RGS7: variants seen among roughly 807,000 people sequenced by gnomAD.
The protein encoded by RGS7 is regulator of G-protein signaling 7.
In RGS7, 27 loss-of-function variants were observed where a neutral mutation model predicts 81.1. The ratio of observed to expected loss-of-function variants is 0.33; its 90% confidence interval spans 0.25 to 0.46. The LOEUF is 0.46. Ranked by LOEUF, RGS7 falls within the 20% of genes least tolerant of loss-of-function variation. RGS7 has a pLI of 1.00. For missense variants in RGS7, 396 were observed against 607.4 expected, an observed-to-expected ratio of 0.65 and a Z score of 3.66; for synonymous variants, 208 against 207.7, an observed-to-expected ratio of 1.00 and a Z score of -0.01.
intron 3 of RGS7, among the ~76,000 whole-genome samples, chr1:241,029,464 T>C (rs746874987): frequency 6.6e-6 from 1 of 152,196 alleles, no homozygotes; most frequent in African/African-American, 2.4e-5. Flanking sequence ...ATTTTGGAAA[T>C]GAGTTTCCAC....
In RGS7 at chr1:241,143,162, C is replaced by T. The variant is rs192598038; in HGVS notation, c.79-44400G>A. Among the ~76,000 whole-genome samples, 8 of 152,298 alleles carry T rather than the reference C, an allele frequency of 5.3e-5. No homozygotes were observed. In the East Asian group the frequency reaches 9.7e-4, roughly 18 times the overall value. ...TTTGTCAGAGCCATTCAACAAGTCT[C>T]TAGGGAGTTCCAAATTTTCTCACAT... On this transcript the variant is annotated intron_variant, in intron 2 of 18. Coordinates refer to ENST00000440928, the MANE Select transcript of RGS7 (RefSeq NM_001364886.1).
intron 9 of RGS7, among the ~76,000 whole-genome samples, chr1:240,862,988 T>G (rs1202124730): frequency 6.6e-6 from 1 of 151,766 alleles, no homozygotes; most frequent in Non-Finnish European, 1.5e-5. Flanking sequence ...AGGGTTTCAC[T>G]CTGCTACCTA....
rs146851208 is a variant in RGS7, at chr1:241,189,634, T to C, written c.79-90872A>G. Among the ~76,000 whole-genome samples, 22 of 152,360 alleles carry C rather than the reference T, an allele frequency of 1.4e-4. No individual in the cohort carries two copies. In the East Asian group the frequency reaches 4.0e-3, roughly 28 times the overall value. ...AATATTTTTTGCTTTTTCTTTACAC[T>C]TTTTATAAAGTTTTACATTTTACAT... is the stretch of plus-strand genomic sequence containing the variant. On this transcript the variant is annotated intron_variant, in intron 2 of 18. Coordinates refer to ENST00000440928, the MANE Select transcript of RGS7 (RefSeq NM_001364886.1).
At chr1:240,920,263 A>T in intron 6 of RGS7, 1 of 1,282,762 alleles carries the variant, frequency 7.8e-7, no homozygotes, top group Non-Finnish European at 1.1e-6. Flanking sequence ...TTTGGTGGTG[A>T]TCGTGGTGGT....
At chr1:241,057,358 G>A (rs74897562) in intron 3 of RGS7, among the ~76,000 whole-genome samples, 5,128 of 152,228 alleles carry the variant, frequency 0.034, 88 homozygotes, top group Middle Eastern at 0.061. Flanking sequence ...AAGAGGGCCA[G>A]TTTAGGCTTT....
At chr1:241,162,631 C>A (rs1249779734) in intron 2 of RGS7, among the ~76,000 whole-genome samples, 1 of 152,150 alleles carries the variant, frequency 6.6e-6, no homozygotes. Flanking sequence ...CTAAAACTTG[C>A]CTGTATCTCT....
At chr1:240,881,570 ACTT>A (rs1666401243) in intron 6 of RGS7, among the ~76,000 whole-genome samples, 1 of 152,200 alleles carries the variant, frequency 6.6e-6, no homozygotes, top group African/African-American at 2.4e-5. Flanking sequence ...TTAGTAGAGT[ACTT>A]TAAAATCTAG....
At chr1:240,999,792 G>A (rs370625080) in intron 3 of RGS7, among the ~76,000 whole-genome samples, 1 of 151,596 alleles carries the variant, frequency 6.6e-6, no homozygotes, top group Non-Finnish European at 1.5e-5. Flanking sequence ...CAGTAGAGAC[G>A]GGGTTTCGCC....
At position 240,922,301 on chromosome 1, in the gene RGS7, T is replaced by G. The variant is rs376594327; in HGVS notation, c.385+8416A>C. 3.9e-5 allele frequency among the ~76,000 whole-genome samples: 6 copies of G among 152,108 alleles called. No homozygotes were observed. In the South Asian group the frequency reaches 1.2e-3, roughly 32 times the overall value. ...AATATAACATAGGAGAAAATCTAGG[T>G]GACCTTGAGTTTGGCAATGACTTTT... On this transcript the variant is annotated intron_variant, in intron 6 of 18. Coordinates refer to ENST00000440928, the MANE Select transcript of RGS7 (RefSeq NM_001364886.1).
chr1:240,962,499 TAGG>T (rs1681626973), intron 4 of RGS7, among the ~76,000 whole-genome samples: 1 of 152,170 alleles, frequency 6.6e-6, no homozygotes, highest in African/African-American at 2.4e-5. Context: ...TTATTCAATG[TAGG>T]AGAACAAAAC....
At chr1:240,812,960 A>G (rs1690130988) in intron 13 of RGS7, among the ~76,000 whole-genome samples, 1 of 152,184 alleles carries the variant, frequency 6.6e-6, no homozygotes, top group African/African-American at 2.4e-5. Flanking sequence ...TTTAAGATTC[A>G]TGGCTGGATG....
chr1:241,227,248 G>A (rs2148034373), intron 2 of RGS7, among the ~76,000 whole-genome samples: 1 of 152,302 alleles, frequency 6.6e-6, no homozygotes, highest in East Asian at 1.9e-4. Context: ...TGCCTACAGT[G>A]AGAGGTTCAT....
Position 240,917,849 on chromosome 1 carries a change from A to G in RGS7, c.385+12868T>C, listed in dbSNP as rs79749778. Among the ~76,000 whole-genome samples, 105 of 152,322 alleles carry G rather than the reference A, an allele frequency of 6.9e-4. 2 individuals are homozygous for G. In the East Asian group the frequency reaches 0.018, roughly 26 times the overall value. On this transcript the variant is annotated intron_variant, in intron 6 of 18. Transcript: ENST00000440928. The stretch of plus-strand genomic sequence containing the variant: ...GAGTGGATATAAAACAGAACCAACT[A>G]TATTCTGTTTAGAAGAAACTTGCTT...
chr1:241,037,295 A>T (rs954958814), intron 3 of RGS7, among the ~76,000 whole-genome samples: 1 of 152,210 alleles, frequency 6.6e-6, no homozygotes, highest in Non-Finnish European at 1.5e-5. Context: ...GTATTGACCA[A>T]CTAAATCTTC....
chr1:240,899,096 G>A (rs965216257), intron 6 of RGS7, among the ~76,000 whole-genome samples: 1 of 151,348 alleles, frequency 6.6e-6, no homozygotes, highest in Non-Finnish European at 1.5e-5. Flanking sequence ...CCAGAGACTA[G>A]GATTGCAATC....
At chr1:240,958,734 A>G (rs1464839266) in intron 4 of RGS7, among the ~76,000 whole-genome samples, 9 of 152,346 alleles carry the variant, frequency 5.9e-5, no homozygotes, top group Admixed American at 1.3e-4. Context: ...ACATTTATGT[A>G]TATGTCAAAA....
intron 2 of RGS7, among the ~76,000 whole-genome samples, chr1:241,108,726 G>A (rs565805022): frequency 7.7e-4 from 117 of 152,222 alleles, no homozygotes; most frequent in Non-Finnish European, 1.2e-3. Context: ...AGGATAGAGA[G>A]CTATAAAGGA....
intron 18 of RGS7, among the ~76,000 whole-genome samples, chr1:240,788,319 C>T: frequency 6.6e-6 from 1 of 152,134 alleles, no homozygotes; most frequent in Non-Finnish European, 1.5e-5. Flanking sequence ...AAAATGGACT[C>T]TTATACTATA....
chr1:241,290,530 C>T (rs1032635713), intron 2 of RGS7, among the ~76,000 whole-genome samples: 5 of 152,150 alleles, frequency 3.3e-5, no homozygotes, highest in Non-Finnish European at 4.4e-5. Context: ...GAAATTGTGT[C>T]CTGTTCTCAT....
Sources: allele counts gnomAD v4.1 joint callset (sites outside exome capture counted in the v4.1 genomes callset), GRCh38; gene constraint gnomAD v4.1.1; transcripts MANE v1.5; gene names NCBI Gene and HGNC (gene_info 2026-07-23, HGNC 2026-07-21).